The following CHD6 variants were observed in gnomAD, a reference collection of about 807,000 sequenced individuals.
CHD6 encodes the protein chromodomain helicase DNA binding protein 6, also known as ATP-dependent chromatin remodeler CHD6.
Under a neutral mutation model 276.9 loss-of-function variants are expected in CHD6, and 50 were observed. The observed-to-expected ratio is 0.18, with a 90% CI of 0.14 to 0.23. The LOEUF is 0.23. Ranked by LOEUF, CHD6 falls within the 10% of genes least tolerant of loss-of-function variation. The pLI, the probability that CHD6 is intolerant of heterozygous loss-of-function variation, is 1.00. For synonymous variants in CHD6, 1,173 were observed against 1,229.3 expected, an observed-to-expected ratio of 0.95 and a Z score of 0.96; for missense variants, 2,564 against 3,365.8, an observed-to-expected ratio of 0.76 and a Z score of 5.89.
intron 3 of CHD6, among the ~76,000 whole-genome samples, chr20:41,532,525 C>T (rs2044712591): frequency 6.6e-6 from 1 of 152,208 alleles, no homozygotes; most frequent in Non-Finnish European, 1.5e-5. Flanking sequence ...TGTCACTTCC[C>T]TTACACCCTG....
intron 1 of CHD6, among the ~76,000 whole-genome samples, chr20:41,578,602 C>A (rs1601161001): frequency 6.6e-6 from 1 of 151,270 alleles, no homozygotes; most frequent in Non-Finnish European, 1.5e-5. Flanking sequence ...ATCACTTAAA[C>A]CCAGGAGGTG....
At chr20:41,467,544 A>G (rs1036501956) in intron 17 of CHD6, among the ~76,000 whole-genome samples, 10 of 149,122 alleles carry the variant, frequency 6.7e-5, no homozygotes, top group Non-Finnish European at 1.2e-4. Flanking sequence ...AGAAATGAAT[A>G]ACGACGTTCT....
At chr20:41,458,090 C>T (rs2048432066) in intron 17 of CHD6, among the ~76,000 whole-genome samples, 1 of 152,140 alleles carries the variant, frequency 6.6e-6, no homozygotes, top group African/African-American at 2.4e-5. Context: ...TTTCTCTAAA[C>T]TAGGAGTTCT....
intron 1 of CHD6, among the ~76,000 whole-genome samples, chr20:41,597,044 G>T (rs2045725080): frequency 6.6e-6 from 1 of 152,182 alleles, no homozygotes; most frequent in Non-Finnish European, 1.5e-5. Flanking sequence ...TAAAGGGTAT[G>T]TAAAAGCAAA....
At chr20:41,437,586 A>G (rs904406063) in intron 26 of CHD6, among the ~76,000 whole-genome samples, 1 of 152,212 alleles carries the variant, frequency 6.6e-6, no homozygotes, top group Non-Finnish European at 1.5e-5. Context: ...TATATAGGAG[A>G]AAATACAGTT....
Position 41,421,977 on chromosome 20 carries a change from A to T in CHD6, c.4658T>A (p.Leu1553His). The change falls in exon 31 of 37, where the codon CTC (leucine) becomes CAC (histidine). Residue 1553 changes from leucine to histidine, a missense_variant. This residue lies in a region of CHD6 where 515 missense variants were observed against 739.5 expected (regional missense o/e 0.70). Coordinates refer to ENST00000373233, the MANE Select transcript of CHD6 (RefSeq NM_032221.5). ...ELLRKVREQVLKCPQLHERLQ... is the reference protein window; with the variant it reads ...ELLRKVREQVHKCPQLHERLQ... ...GCGTTCATGCAGCTGAGGGCACTTG[A>T]GCACTTGCTCTCGGACTTTCCGTAA... 1 of 1,614,214 alleles carries T rather than the reference A, an allele frequency of 6.2e-7. No homozygotes were observed. The highest frequency in any genetic ancestry group is 8.5e-7 in the Non-Finnish European group (1 of 1,180,040).
At position 41,528,035 on chromosome 20, in the gene CHD6, G is replaced by T. The variant is rs866778215; in HGVS notation, c.554+5015C>A. 7.9e-5 allele frequency among the ~76,000 whole-genome samples: 12 copies of T among 152,176 alleles called. No homozygotes were observed. In the South Asian group the frequency reaches 1.7e-3, roughly 21 times the overall value. Reference sequence around the variant, plus strand: ...CCAGTCTCCAGAATGGTAAGCCAAAGAAATTTCTGTTCATTATACATTATC... The same window carrying T: ...CCAGTCTCCAGAATGGTAAGCCAAATAAATTTCTGTTCATTATACATTATC... On this transcript the variant is annotated intron_variant, in intron 3 of 36. Transcript: ENST00000373233.
chr20:41,536,939 T>C (rs540742075), intron 2 of CHD6, among the ~76,000 whole-genome samples: 30 of 152,282 alleles, frequency 2.0e-4, no homozygotes, highest in African/African-American at 7.2e-4. Context: ...AATATTGGCA[T>C]GGCAAACAGG....
At chr20:41,446,710 CAG>C (rs2048080029) in intron 24 of CHD6, among the ~76,000 whole-genome samples, 1 of 152,136 alleles carries the variant, frequency 6.6e-6, no homozygotes, top group Admixed American at 6.5e-5. Flanking sequence ...TCTGCCTGCC[CAG>C]TGCCATGGCT....
intron 30 of CHD6, 123 bp from the exon 31 acceptor site, chr20:41,422,202 GGT>G: frequency 1.0e-6 from 1 of 979,582 alleles, no homozygotes; most frequent in Non-Finnish European, 1.5e-6. Context: ...GGCAGTTTCA[GGT>G]GTGTGAGCCC....
chr20:41,473,252 A>T lies in CHD6; in HGVS notation c.2664+70T>A. On this transcript the variant is annotated intron_variant, in intron 17 of 36. Transcript: ENST00000373233. The surrounding 1 kb of genome is among the most constrained non-coding windows in gnomAD (Gnocchi z 4.1). ...GAGCATCACGGATGCTCTGTAGCCA[A>T]GCCAGGCCCTATCATGATGTTCTGG... 6.7e-7 allele frequency: 1 copy of T among 1,481,848 alleles called. No homozygotes were observed. The highest frequency in any genetic ancestry group is 9.3e-7 in the Non-Finnish European group (1 of 1,077,180). 91.8% of individuals were successfully genotyped at this position (1,481,848 alleles called of 1,614,324 possible). A position where few individuals can be genotyped will look rare whatever the true frequency, so the allele number is the denominator to read the frequency against.
chr20:41,484,292 C>T (rs2043362196), intron 15 of CHD6, 60 bp downstream of exon 15: 1 of 1,582,890 alleles, frequency 6.3e-7, no homozygotes, highest in Middle Eastern at 1.9e-4. Flanking sequence ...ATTTGATTAT[C>T]ATTAGCTTCT....
At chr20:41,472,835 C>T (rs1180742652) in intron 17 of CHD6, among the ~76,000 whole-genome samples, 1 of 152,174 alleles carries the variant, frequency 6.6e-6, no homozygotes, top group Non-Finnish European at 1.5e-5. Context: ...CACATATAAA[C>T]TCTAATGTGT....
intron 1 of CHD6, among the ~76,000 whole-genome samples, chr20:41,562,786 T>C (rs920158244): frequency 3.3e-5 from 5 of 152,184 alleles, no homozygotes; most frequent in Non-Finnish European, 7.4e-5. Context: ...AATATTAGCA[T>C]AGTATTTGAT....
At chr20:41,564,033 A>T (rs2146191894) in intron 1 of CHD6, 1 of 778,972 alleles carries the variant, frequency 1.3e-6, no homozygotes, top group Middle Eastern at 2.3e-4. Context: ...GAGTGAAGAT[A>T]TCTGGGTTCT....
chr20:41,414,831 G>A, intron 34 of CHD6: 1 of 1,162,502 alleles, frequency 8.6e-7, no homozygotes, highest in Non-Finnish European at 1.1e-6. Context: ...CCCCAGTCTT[G>A]GAGAGCCTCA....
chr20:41,493,397 G>C, intron 10 of CHD6, 141 bp downstream of exon 10: 1 of 830,750 alleles, frequency 1.2e-6, no homozygotes, highest in Non-Finnish European at 1.9e-6. Flanking sequence ...GGAAAACACT[G>C]AATTGAGGGT....
At chr20:41,516,673 G>A (rs2044260481) in intron 3 of CHD6, among the ~76,000 whole-genome samples, 1 of 152,140 alleles carries the variant, frequency 6.6e-6, no homozygotes, top group Non-Finnish European at 1.5e-5. Flanking sequence ...CTGGCTCTGT[G>A]TCTGGATAAC....
intron 24 of CHD6, among the ~76,000 whole-genome samples, chr20:41,446,298 G>T (rs1302115200): frequency 6.6e-6 from 1 of 152,160 alleles, no homozygotes; most frequent in Non-Finnish European, 1.5e-5. Context: ...CTTTCAGAGG[G>T]TAAGTGCCAT....
Sources: allele counts gnomAD v4.1 joint callset (sites outside exome capture counted in the v4.1 genomes callset), GRCh38; gene constraint gnomAD v4.1.1; regional missense constraint gnomAD v4.1.1; non-coding constraint Gnocchi (gnomAD v3.1); transcripts MANE v1.5; gene names NCBI Gene and HGNC (gene_info 2026-07-23, HGNC 2026-07-21).